Variants in CD200 observed in about 807,000 individuals in gnomAD.
The protein encoded by CD200 is OX-2 membrane glycoprotein.
In CD200, 15 loss-of-function variants were observed where a neutral mutation model predicts 30.9. That is an observed-to-expected ratio of 0.49 (90% CI 0.32 to 0.75). CD200 has a LOEUF of 0.75. Ranked by LOEUF, CD200 falls within the 30% of genes least tolerant of loss-of-function variation. The pLI is 0.03. For synonymous variants in CD200, 134 were observed against 126.2 expected, an observed-to-expected ratio of 1.06 and a Z score of -0.41; for missense variants, 262 against 324.2, an observed-to-expected ratio of 0.81 and a Z score of 1.47.
rs761333870 is a variant in CD200, at chr3:112,342,312, T to TCCTTCCTTCCTTCCTTC, written c.94+1330_94+1331insCTTCCTTCCTTCCTTCC. 9.7e-4 allele frequency among the ~76,000 whole-genome samples: 24 copies of TCCTTCCTTCCTTCCTTC among 24,642 alleles called. 1 individual carries two copies. The highest frequency in any genetic ancestry group is 1.2e-3 in the South Asian group (1 of 812). 16.2% of individuals were successfully genotyped at this position (24,642 alleles called of 152,430 possible). A position where few individuals can be genotyped will look rare whatever the true frequency, so the allele number is the denominator to read the frequency against. On this transcript the variant is annotated intron_variant, in intron 2 of 5. Coordinates refer to ENST00000315711, the MANE Select transcript of CD200 (RefSeq NM_005944.7). ...TTCCTTCCTTCCTTCCTTCCTTTCT[T>TCCTTCCTTCCTTCCTTC]CTTTCTTTCTTTCTTTCTTTCTTTC...
chr3:112,347,975 C>CA (rs2081439504), intron 4 of CD200, 145 bp downstream of exon 4: 1 of 730,464 alleles, frequency 1.4e-6, no homozygotes, highest in Non-Finnish European at 2.2e-6. Context: ...CAAAACAAAA[C>CA]AAAAAAATTG....
intron 3 of CD200, among the ~76,000 whole-genome samples, chr3:112,346,407 A>G (rs2081394859): frequency 6.8e-6 from 1 of 146,092 alleles, no homozygotes; most frequent in African/African-American, 2.5e-5. Flanking sequence ...AGACTTTTGT[A>G]TTTTTTTTTC....
At position 112,349,780 on chromosome 3, in the gene CD200, A is replaced by G; in HGVS notation, c.763A>G (p.Ile255Val). The change falls in exon 5 of 6, where the codon ATC becomes GTC. Residue 255 changes from isoleucine to valine, a missense_variant. Transcript: ENST00000315711. ...SLVILLVLIS[I>V]LLYWKRHRNQ... ...GGTAATTCTTCTCGTCCTAATCTCA[A>G]TCTTACTGTACTGGAAACGTCACCG... 3.7e-6 allele frequency: 6 copies of G among 1,611,970 alleles called. No individual in the cohort carries two copies. Among genetic ancestry groups the G allele is most frequent in the Non-Finnish European group, 5.1e-6 (6 of 1,178,870 alleles).
At chr3:112,358,929 G>GAA (rs2081682185) in intron 5 of CD200, among the ~76,000 whole-genome samples, 3 of 131,284 alleles carry the variant, frequency 2.3e-5, no homozygotes, top group Admixed American at 7.5e-5. Context: ...GAAAGAAAGA[G>GAA]AGAGAAAGAA....
chr3:112,343,796 G>A (rs1576599811), intron 2 of CD200, among the ~76,000 whole-genome samples: 1 of 152,040 alleles, frequency 6.6e-6, no homozygotes, highest in African/African-American at 2.4e-5. Flanking sequence ...ATTTTAGATT[G>A]TTCCTTTTAT....
intron 2 of CD200, 76 bp from the exon 3 acceptor site, chr3:112,344,886 C>T: frequency 2.7e-6 from 3 of 1,096,056 alleles, no homozygotes; most frequent in Non-Finnish European, 4.0e-6. Context: ...ATTGAATATA[C>T]ATTTTATTTA....
At chr3:112,337,740 A>T (rs969416885) in intron 1 of CD200, among the ~76,000 whole-genome samples, 1 of 152,212 alleles carries the variant, frequency 6.6e-6, no homozygotes, top group East Asian at 1.9e-4. Flanking sequence ...AATAGAGATG[A>T]TTAATAATAG....
chr3:112,354,682 C>T (rs576372622), intron 5 of CD200, among the ~76,000 whole-genome samples: 10 of 152,322 alleles, frequency 6.6e-5, no homozygotes, highest in South Asian at 2.1e-4. Context: ...CAAATTATCA[C>T]GCACTTAGCG....
At chr3:112,345,341 T>C in intron 3 of CD200, 53 bp downstream of exon 3, 1 of 1,457,228 alleles carries the variant, frequency 6.9e-7, no homozygotes, top group Non-Finnish European at 9.6e-7. Context: ...TTTGCAAGAA[T>C]GTTTGGAATA....
At chr3:112,339,391 C>T (rs1006183807) in intron 1 of CD200, among the ~76,000 whole-genome samples, 2 of 152,110 alleles carry the variant, frequency 1.3e-5, no homozygotes, top group Non-Finnish European at 2.9e-5. Flanking sequence ...TGGATGAATG[C>T]AGAGTGATGG....
chr3:112,334,938 A>G (rs1226952305), intron 1 of CD200, among the ~76,000 whole-genome samples: 2 of 152,180 alleles, frequency 1.3e-5, no homozygotes, highest in African/African-American at 4.8e-5. Context: ...GAGCTTGTCC[A>G]TTCTGCATTC....
chr3:112,338,227 A>G (rs2081162707), intron 1 of CD200, among the ~76,000 whole-genome samples: 1 of 152,184 alleles, frequency 6.6e-6, no homozygotes, highest in Admixed American at 6.5e-5. Flanking sequence ...CACATGCGAG[A>G]ATCTAATGTG....
intron 5 of CD200, among the ~76,000 whole-genome samples, chr3:112,356,783 T>C (rs2081630720): frequency 6.6e-6 from 1 of 152,248 alleles, no homozygotes; most frequent in South Asian, 2.1e-4. Flanking sequence ...TTTGCAACAA[T>C]GAACAATTAC....
intron 5 of CD200, among the ~76,000 whole-genome samples, chr3:112,353,806 T>G (rs1404740237): frequency 6.6e-6 from 1 of 152,164 alleles, no homozygotes; most frequent in Non-Finnish European, 1.5e-5. Flanking sequence ...GAACCTTTGC[T>G]TTGCTCAAAA....
At chr3:112,332,777 TA>T (rs34938268), upstream of CD200, 100,173 of 153,378 alleles carry the variant, frequency 0.65, 32,442 homozygotes, top group East Asian at 0.79. Context: ...GTTTTTTCTT[TA>T]AAAAAAAAAA....
At chr3:112,333,063 T>G, upstream of CD200, 1 of 1,127,272 alleles carries the variant, frequency 8.9e-7, no homozygotes, top group Non-Finnish European at 1.3e-6. Flanking sequence ...TGTGAGGGCG[T>G]GGGGAAAACG....
chr3:112,340,736 A>T lies in CD200; in HGVS notation c.13-166A>T, dbSNP rs72952405. On this transcript the variant is annotated intron_variant, in intron 1 of 5. Coordinates refer to ENST00000315711, the MANE Select transcript of CD200 (RefSeq NM_005944.7). ...CCTCCTCATATCCTGAGCATGCTTT[A>T]TTATTTCTTCCATTTATAACCTCTA... Among the ~76,000 whole-genome samples the T allele has an allele frequency of 2.0e-5, 3 of 152,064 alleles. No homozygotes were observed. The highest frequency in any genetic ancestry group is 1.3e-4 in the Admixed American group (2 of 15,254).
upstream of CD200, chr3:112,332,976 A>G (rs2081028784): frequency 5.1e-6 from 3 of 591,386 alleles, no homozygotes; most frequent in Admixed American, 6.7e-5. Context: ...ACCTTTGAAA[A>G]GGGAAAAATG....
At chr3:112,361,032 T>G (rs2081730760) in intron 5 of CD200, among the ~76,000 whole-genome samples, 1 of 152,066 alleles carries the variant, frequency 6.6e-6, no homozygotes, top group South Asian at 2.1e-4. Context: ...TGTTTTTGGT[T>G]GTTGTTGTTT....
Sources: allele counts gnomAD v4.1 joint callset (sites outside exome capture counted in the v4.1 genomes callset), GRCh38; gene constraint gnomAD v4.1.1; transcripts MANE v1.5; gene names NCBI Gene and HGNC (gene_info 2026-07-23, HGNC 2026-07-21).